CNTN2: variants seen among roughly 807,000 people sequenced by gnomAD.
CNTN2 encodes the protein contactin-2.
In CNTN2, 53 loss-of-function variants were observed where a neutral mutation model predicts 117.5. That is an observed-to-expected ratio of 0.45 (90% CI 0.36 to 0.57). CNTN2 has a LOEUF of 0.57. CNTN2 is among the 20% of genes least tolerant of loss of function. The pLI, the probability that CNTN2 is intolerant of heterozygous loss-of-function variation, is 0.00. For missense variants in CNTN2, 1,106 were observed against 1,404.3 expected (o/e 0.79, Z 3.39); for synonymous variants, 530 against 561.7 (o/e 0.94, Z 0.80).
At chr1:205,049,919 C>T (rs552935592) in intron 1 of CNTN2, among the ~76,000 whole-genome samples, 1 of 152,272 alleles carries the variant, frequency 6.6e-6, no homozygotes, top group South Asian at 2.1e-4. Context: ...TCTCCCTAGC[C>T]TCCCATGGTG....
chr1:205,045,898 G>T (rs539987883), intron 1 of CNTN2, among the ~76,000 whole-genome samples: 1 of 152,162 alleles, frequency 6.6e-6, no homozygotes, highest in African/African-American at 2.4e-5. Context: ...AGAGGCAAAG[G>T]TTGGGCTGGC....
rs2096445200 is a variant in CNTN2 at position 205,048,272 on chromosome 1, T to C, written c.-86-4828T>C. On this transcript the variant is annotated intron_variant, in intron 1 of 22. Transcript: ENST00000331830. The surrounding 1 kb of genome is among the most constrained non-coding windows in gnomAD (Gnocchi z 4.1). ...AGGGAGAACTCTGGGGTGGAGGGTG[T>C]ACCTTTTATTTTTTGACTGGCTCCA... Among the ~76,000 whole-genome samples the C allele has an allele frequency of 6.6e-6, 1 of 152,020 alleles. No individual in the cohort carries two copies. Among genetic ancestry groups the C allele is most frequent in the African/African-American group, 2.4e-5 (1 of 41,378 alleles).
In CNTN2 at chr1:205,075,603, G is replaced by T. The variant is rs892421153; in HGVS notation, c.*1838G>T. On this transcript the variant is annotated 3_prime_UTR_variant, in exon 23 of 23. Coordinates refer to ENST00000331830, the MANE Select transcript of CNTN2 (RefSeq NM_005076.5). ...AGTCCTGCTCTATTTTCCTGGGCAGGTTTATGTTGATGTTTACCCACTACA... is the reference window on the plus strand; with the variant it reads ...AGTCCTGCTCTATTTTCCTGGGCAGTTTTATGTTGATGTTTACCCACTACA... 6.6e-6 allele frequency: 1 copy of T among 152,584 alleles called. No homozygotes were observed. Among genetic ancestry groups the T allele is most frequent in the South Asian group, 2.1e-4 (1 of 4,828 alleles). The allele number at this position is 152,584 out of a possible 1,614,324, so 9.5% of individuals were successfully genotyped here.
chr1:205,045,676 C>G (rs570600703), intron 1 of CNTN2, among the ~76,000 whole-genome samples: 2 of 152,192 alleles, frequency 1.3e-5, no homozygotes, highest in Non-Finnish European at 2.9e-5. Context: ...AGGGCAGAAC[C>G]AGGGGGTTGG....
Position 205,069,955 on chromosome 1 carries a change from C to T in CNTN2, c.2325C>T (p.Asn775=). The change falls in exon 18 of 23, where the codon AAC becomes AAT. Residue 775 remains asparagine (N), a synonymous_variant. Transcript: ENST00000331830. ...GADAQYFVYS[N]ESVRPYTPFE... ...ATGCCCAGTACTTTGTCTACAGCAA[C>T]GAGAGCGTCCGGCCCTACACGCCCT... 6.2e-7 allele frequency: 1 copy of T among 1,613,764 alleles called. No homozygotes were observed. Among genetic ancestry groups the T allele is most frequent in the Non-Finnish European group, 8.5e-7 (1 of 1,180,018 alleles).
chr1:205,066,296 C>G, intron 14 of CNTN2, 145 bp from the exon 15 acceptor site: 1 of 966,738 alleles, frequency 1.0e-6, no homozygotes, highest in Non-Finnish European at 1.5e-6. Context: ...CACCCCTTGC[C>G]CGCCCTCCCG....
intron 19 of CNTN2, 47 bp downstream of exon 19, chr1:205,070,585 C>T (rs1217032982): frequency 7.2e-7 from 1 of 1,381,740 alleles, no homozygotes; most frequent in Non-Finnish European, 1.0e-6. Context: ...GCTGGGGCTT[C>T]AAAGCCAGGT....
intron 1 of CNTN2, among the ~76,000 whole-genome samples, chr1:205,051,605 A>T (rs988649332): frequency 6.6e-6 from 1 of 152,092 alleles, no homozygotes; most frequent in Non-Finnish European, 1.5e-5. Flanking sequence ...AGGGAGTGCC[A>T]TCTGCTCCAA....
chr1:205,073,320 A>T lies in CNTN2; in HGVS notation c.3013+84A>T. 1 of 1,489,064 alleles carries T rather than the reference A, an allele frequency of 6.7e-7. No individual in the cohort carries two copies. Among genetic ancestry groups the T allele is most frequent in the Non-Finnish European group, 9.2e-7 (1 of 1,090,988 alleles). 92.2% of individuals were successfully genotyped at this position (1,489,064 alleles called of 1,614,324 possible). On this transcript the variant is annotated intron_variant, in intron 22 of 22. Coordinates refer to ENST00000331830, the MANE Select transcript of CNTN2 (RefSeq NM_005076.5). This position sits in a 1 kb window ranked among gnomAD's most constrained non-coding sequence, Gnocchi z 6.3. The stretch of plus-strand genomic sequence containing the variant: ...GAGAGGATCATTCCCACCCAGGCCA[A>T]CTCCAATCTCTACCCGCAAAGGAAA...
At chr1:205,049,128 G>C (rs1338310241) in intron 1 of CNTN2, among the ~76,000 whole-genome samples, 1 of 151,968 alleles carries the variant, frequency 6.6e-6, no homozygotes, top group Non-Finnish European at 1.5e-5. Context: ...CAGGATCCCT[G>C]GGCCGGATTA....
At position 205,052,763 on chromosome 1, in the gene CNTN2, C is replaced by T. The variant is rs561409997; in HGVS notation, c.-86-337C>T. On this transcript the variant is annotated intron_variant, in intron 1 of 22. Coordinates refer to ENST00000331830, the MANE Select transcript of CNTN2 (RefSeq NM_005076.5). ...CACAAGTCCTGTTCTCTTCCGGCCT[C>T]GCCTCAAGAGCTGACGGGCGAGACG... Among the ~76,000 whole-genome samples the T allele has an allele frequency of 8.7e-4, 133 of 152,338 alleles. 1 individual carries two copies. In the Middle Eastern group the frequency reaches 0.02, roughly 23 times the overall value.
intron 20 of CNTN2, 93 bp downstream of exon 20, chr1:205,072,226 C>A: frequency 7.7e-7 from 1 of 1,290,350 alleles, no homozygotes. Flanking sequence ...GACAAATGCT[C>A]TAGCCCACCA....
chr1:205,068,073 T>G (rs1436633001), intron 16 of CNTN2: 1 of 151,594 alleles, frequency 6.6e-6, no homozygotes, highest in Non-Finnish European at 1.5e-5. Context: ...CAGATGGAAT[T>G]GAATAACCTG....
In CNTN2 at chr1:205,057,909, C is replaced by A; in HGVS notation, c.71-12C>A. On this transcript the variant is annotated splice_polypyrimidine_tract_variant and intron_variant, in intron 2 of 22. Transcript: ENST00000331830. ...AAGGCTCTGAGGCATCTGGTGGTGT[C>A]ATCACCTGCAGCTTGGAGTTCAGCC... 1 of 1,611,896 alleles carries A rather than the reference C, an allele frequency of 6.2e-7. No homozygotes were observed. The highest frequency in any genetic ancestry group is 1.1e-5 in the South Asian group (1 of 90,932).
In CNTN2 at chr1:205,065,866, G is replaced by T; in HGVS notation, c.1773G>T (p.Thr591=). ...HGGKYTCMAQ[T]VVDSASKEAT... Reference sequence around the variant, plus strand: ...GGAAGTACACGTGCATGGCCCAGACGGTGGTGGACAGCGCGTCCAAGGAGG... The same window carrying T: ...GGAAGTACACGTGCATGGCCCAGACTGTGGTGGACAGCGCGTCCAAGGAGG... Residue 591 remains threonine (T), a synonymous_variant, in exon 14 of 23, where the codon ACG becomes ACT. Transcript: ENST00000331830. The surrounding 1 kb of genome is among the most constrained non-coding windows in gnomAD (Gnocchi z 4.1). 6.3e-7 allele frequency: 1 copy of T among 1,580,838 alleles called. No homozygotes were observed. Among genetic ancestry groups the T allele is most frequent in the Non-Finnish European group, 8.6e-7 (1 of 1,156,674 alleles).
At chr1:205,043,187 T>C (rs1344350219), upstream of CNTN2, 4 of 152,380 alleles carry the variant, frequency 2.6e-5, no homozygotes, top group Admixed American at 2.6e-4. Context: ...GATGCAGAGA[T>C]GCTGCAGTGG....
Position 205,073,614 on chromosome 1 carries a change from G to A in CNTN2, c.3014-42G>A. On this transcript the variant is annotated intron_variant, in intron 22 of 22. Coordinates refer to ENST00000331830, the MANE Select transcript of CNTN2 (RefSeq NM_005076.5). This position sits in a 1 kb window ranked among gnomAD's most constrained non-coding sequence, Gnocchi z 6.3. ...AATCTTGCCACAAGGGTGGGGCTAGGGTAGTCCCAGGCCCAGCTGACTCAG... is the reference window on the plus strand; with the variant it reads ...AATCTTGCCACAAGGGTGGGGCTAGAGTAGTCCCAGGCCCAGCTGACTCAG... The A allele has an allele frequency of 6.4e-7, 1 of 1,564,534 alleles. No individual in the cohort carries two copies. The highest frequency in any genetic ancestry group is 1.1e-5 in the South Asian group (1 of 89,496).
intron 1 of CNTN2, among the ~76,000 whole-genome samples, chr1:205,049,065 C>G (rs1251845940): frequency 6.6e-6 from 1 of 151,904 alleles, no homozygotes; most frequent in African/African-American, 2.4e-5. Context: ...GGATCCCAGC[C>G]CCTCCCCTGC....
At position 205,066,594 on chromosome 1, in the gene CNTN2, G is replaced by A. The variant is rs761837860; in HGVS notation, c.1970G>A (p.Arg657Gln). Reference sequence around the variant, plus strand: ...CCTGCAGGGAAGTGGAAGCAGGTTCGGACCAGTAAGTGTGAGCCCCACCTG... The same window carrying A: ...CCTGCAGGGAAGTGGAAGCAGGTTCAGACCAGTAAGTGTGAGCCCCACCTG... ...TPPAGKWKQV[R>Q]TNPANIEGNA... Residue 657 changes from arginine to glutamine, a missense_variant, in exon 15 of 23, where the codon CGG becomes CAG. Transcript: ENST00000331830. 7 of 1,613,712 alleles carry A rather than the reference G, an allele frequency of 4.3e-6. No individual in the cohort carries two copies. The highest frequency in any genetic ancestry group is 2.2e-5 in the South Asian group (2 of 91,054).
Sources: gnomAD v4.1 joint callset for allele counts (sites outside exome capture counted in the v4.1 genomes callset) on GRCh38, gnomAD v4.1.1 for gene constraint, Gnocchi (gnomAD v3.1) non-coding constraint, MANE v1.5 for transcripts, NCBI Gene and HGNC (gene_info 2026-07-23, HGNC 2026-07-21) for gene names.